SHROOM3: variants seen among roughly 807,000 people sequenced by gnomAD.
SHROOM3 encodes the protein shroom family member 3, also known as protein Shroom3.
SHROOM3 carries 47 observed loss-of-function variants against 138.6 expected under a neutral mutation model. The ratio of observed to expected loss-of-function variants is 0.34; its 90% CI spans 0.27 to 0.43. The LOEUF is 0.43. Ranked by LOEUF, SHROOM3 falls within the 20% of genes least tolerant of loss-of-function variation. The probability of loss-of-function intolerance (pLI) is 1.00; values close to 1 mark genes in which losing one functional copy is unlikely to be tolerated. For missense variants in SHROOM3, 2,491 were observed against 2,596.5 expected (o/e 0.96, Z 0.88); for synonymous variants, 1,062 against 1,063.3 (o/e 1.00, Z 0.02).
intron 2 of SHROOM3, chr4:76,587,038 G>A (rs1734170073): frequency 6.6e-6 from 1 of 152,152 alleles, no homozygotes; most frequent in Non-Finnish European, 1.5e-5. Context: ...CATCCTTTAT[G>A]TTTCAGAGAA....
chr4:76,544,337 G>A (rs1733165332), intron 1 of SHROOM3, among the ~76,000 whole-genome samples: 2 of 147,368 alleles, frequency 1.4e-5, no homozygotes. Flanking sequence ...CTAATTCTCA[G>A]CATGAAAAAT....
At chr4:76,621,422 C>T (rs1369331226) in intron 2 of SHROOM3, among the ~76,000 whole-genome samples, 1 of 152,228 alleles carries the variant, frequency 6.6e-6, no homozygotes, top group Non-Finnish European at 1.5e-5. Context: ...TTATTTTACA[C>T]ACCTTTCTAG....
chr4:76,710,458 T>C (rs1720198727), intron 3 of SHROOM3, among the ~76,000 whole-genome samples, 171 bp downstream of exon 3: 1 of 152,204 alleles, frequency 6.6e-6, no homozygotes, highest in African/African-American at 2.4e-5. Flanking sequence ...TTTAGAAGGA[T>C]ACTGATCTTA....
chr4:76,486,056 T>C (rs780276318), intron 1 of SHROOM3, among the ~76,000 whole-genome samples: 9 of 152,182 alleles, frequency 5.9e-5, no homozygotes, highest in Non-Finnish European at 1.3e-4. Flanking sequence ...GACTAGTTGC[T>C]TCCCACCTTT....
At chr4:76,748,617 C>A (rs1721521042) in intron 5 of SHROOM3, among the ~76,000 whole-genome samples, 2 of 152,108 alleles carry the variant, frequency 1.3e-5, no homozygotes, top group Admixed American at 6.5e-5. Context: ...ACTGTCCTTT[C>A]CCGTCATCTC....
Position 76,759,609 on chromosome 4 carries a change from C to G in SHROOM3, c.5263C>G (p.Pro1755Ala), listed in dbSNP as rs1486637616. The change falls in exon 9 of 11, where the codon CCC (proline) becomes GCC (alanine). Residue 1755 changes from proline (P) to alanine (A), a missense_variant. By Grantham distance (27) the Pro-to-Ala change is conservative (BLOSUM62 -1). Transcript: ENST00000296043. ...NCPAYYSVSAPKAELLNKIKE... is the reference protein window; with the variant it reads ...NCPAYYSVSAAKAELLNKIKE... ...CCCTGCCTACTACAGTGTGTCTGCT[C>G]CCAAGGCTGAGCTACTGAACAAAAT... The G allele has an allele frequency of 6.2e-6, 10 of 1,614,096 alleles. No homozygotes were observed. The highest frequency in any genetic ancestry group is 8.5e-6 in the Non-Finnish European group (10 of 1,180,016).
chr4:76,762,107 AG>A (rs754535986), intron 9 of SHROOM3, among the ~76,000 whole-genome samples: 1 of 152,266 alleles, frequency 6.6e-6, no homozygotes, highest in Non-Finnish European at 1.5e-5. Flanking sequence ...AGAATTCAGA[AG>A]AAAAAAAAAT....
At chr4:76,604,499 T>C (rs1577913207) in intron 2 of SHROOM3, among the ~76,000 whole-genome samples, 2 of 152,156 alleles carry the variant, frequency 1.3e-5, no homozygotes, top group East Asian at 3.9e-4. Flanking sequence ...CTAAATTTAG[T>C]GTGGTATCTA....
At chr4:76,681,613 G>GTGTGTA (rs1328277840) in intron 2 of SHROOM3, among the ~76,000 whole-genome samples, 8 of 138,582 alleles carry the variant, frequency 5.8e-5, no homozygotes, top group Non-Finnish European at 1.1e-4. Context: ...GTGTGTGTGT[G>GTGTGTA]TGTGTGTGTG....
chr4:76,448,638 CTA>C (rs1342122028), intron 1 of SHROOM3, among the ~76,000 whole-genome samples: 2 of 152,214 alleles, frequency 1.3e-5, no homozygotes, highest in African/African-American at 2.4e-5. Context: ...GATCAAACAT[CTA>C]TGTCAGCTGC....
chr4:76,489,155 A>T (rs2109992373), intron 1 of SHROOM3, among the ~76,000 whole-genome samples: 1 of 152,344 alleles, frequency 6.6e-6, no homozygotes, highest in South Asian at 2.1e-4. Context: ...TTCAGACGGC[A>T]AAAGAAGCCC....
chr4:76,756,956 C>T lies in SHROOM3; in HGVS notation c.5198+19C>T. On this transcript the variant is annotated intron_variant, in intron 8 of 10. Coordinates refer to ENST00000296043, the MANE Select transcript of SHROOM3 (RefSeq NM_020859.4). Reference sequence around the variant, plus strand: ...GCAAGAGGTAAGTCCCTGGTGATGTCCTCAGAGAGACTTACAATCACACTC... The same window carrying T: ...GCAAGAGGTAAGTCCCTGGTGATGTTCTCAGAGAGACTTACAATCACACTC... 2 of 1,613,520 alleles carry T rather than the reference C, an allele frequency of 1.2e-6. No homozygotes were observed. The highest frequency in any genetic ancestry group is 1.7e-6 in the Non-Finnish European group (2 of 1,180,026).
chr4:76,471,305 G>A (rs956309474), intron 1 of SHROOM3, among the ~76,000 whole-genome samples: 3 of 150,152 alleles, frequency 2.0e-5, no homozygotes, highest in African/African-American at 7.4e-5. Flanking sequence ...GTGCAGTGGC[G>A]TGATCTTGGC....
At chr4:76,623,484 A>G (rs2110067538) in intron 2 of SHROOM3, among the ~76,000 whole-genome samples, 1 of 152,336 alleles carries the variant, frequency 6.6e-6, no homozygotes, top group African/African-American at 2.4e-5. Flanking sequence ...CAAGGAAAGC[A>G]CTGGACTACC....
chr4:76,694,538 A>G (rs1313125776), intron 2 of SHROOM3, among the ~76,000 whole-genome samples: 3 of 152,224 alleles, frequency 2.0e-5, no homozygotes, highest in Non-Finnish European at 2.9e-5. Flanking sequence ...TATAAAGGCA[A>G]TTGAGTACAG....
intron 1 of SHROOM3, among the ~76,000 whole-genome samples, chr4:76,528,775 A>T (rs1184974479): frequency 3.9e-5 from 6 of 152,008 alleles, no homozygotes; most frequent in Admixed American, 6.5e-5. Flanking sequence ...GTTCATCTTG[A>T]ACTCCTGACC....
chr4:76,616,229 A>G (rs1345730676), intron 2 of SHROOM3, among the ~76,000 whole-genome samples: 1 of 152,184 alleles, frequency 6.6e-6, no homozygotes, highest in Non-Finnish European at 1.5e-5. Context: ...AGATTCTGTA[A>G]TTCGAATCTG....
intron 1 of SHROOM3, among the ~76,000 whole-genome samples, chr4:76,487,259 G>T (rs915900495): frequency 5.3e-5 from 8 of 152,186 alleles, no homozygotes; most frequent in Non-Finnish European, 1.2e-4. Flanking sequence ...TGTTGAAGTA[G>T]CATATATCAG....
At chr4:76,558,410 T>C (rs1733530809) in intron 2 of SHROOM3, among the ~76,000 whole-genome samples, 1 of 152,204 alleles carries the variant, frequency 6.6e-6, no homozygotes, top group Non-Finnish European at 1.5e-5. Context: ...TATTTGATTA[T>C]TATTATTCTG....
Sources: allele counts gnomAD v4.1 joint callset (sites outside exome capture counted in the v4.1 genomes callset), GRCh38; gene constraint gnomAD v4.1.1; transcripts MANE v1.5; gene names NCBI Gene and HGNC (gene_info 2026-07-23, HGNC 2026-07-21).